Variants in AIM2 observed in about 807,000 individuals in gnomAD.
AIM2 encodes absent in melanoma 2.
A neutral mutation model predicts 27.7 loss-of-function variants in AIM2; 30 were observed. The ratio of observed to expected loss-of-function variants is 1.08; its 90% CI spans 0.81 to 1.47. AIM2 has a LOEUF of 1.47. Among genes scored for constraint, AIM2 ranks in the 40% most tolerant of loss-of-function variants. AIM2 has a pLI of 0.00. For synonymous variants in AIM2, 141 were observed against 145.3 expected (o/e 0.97, Z 0.21); for missense variants, 358 against 411.3 (o/e 0.87, Z 1.12).
chr1:159,107,129 A>G (rs1657466941), intron 1 of AIM2, among the ~76,000 whole-genome samples: 1 of 152,212 alleles, frequency 6.6e-6, no homozygotes, highest in Non-Finnish European at 1.5e-5. Flanking sequence ...CCTTTGGGAA[A>G]CAAAAATGCA....
chr1:159,103,570 T>C lies in AIM2; in HGVS notation c.-16+36861A>G, dbSNP rs148381749. On this transcript the variant is annotated intron_variant, in intron 1 of 2. Coordinates refer to the AIM2 transcript ENST00000368129. ...AAGGGGAGGTGGAGGAAGATTTTCA[T>C]AGTCCTCAACCCATTGCTTTTGGAT... Among the ~76,000 whole-genome samples, 322 of 152,338 alleles carry C rather than the reference T, an allele frequency of 2.1e-3. 1 individual carries two copies. Among genetic ancestry groups the C allele is most frequent in the Non-Finnish European group, 1.8e-3 (123 of 68,032 alleles).
intron 1 of AIM2, among the ~76,000 whole-genome samples, chr1:159,130,352 A>G (rs1227634435): frequency 7.9e-5 from 12 of 152,142 alleles, no homozygotes; most frequent in Admixed American, 7.9e-4. Flanking sequence ...ATTTCTCTTC[A>G]CAGTTCCAGG....
At chr1:159,125,156 C>T (rs953112470) in intron 1 of AIM2, among the ~76,000 whole-genome samples, 1 of 152,104 alleles carries the variant, frequency 6.6e-6, no homozygotes, top group Non-Finnish European at 1.5e-5. Context: ...CAGCATATCC[C>T]GGGAAAGCCT....
intron 1 of AIM2, among the ~76,000 whole-genome samples, chr1:159,114,643 G>A (rs1647282789): frequency 6.6e-6 from 1 of 152,180 alleles, no homozygotes; most frequent in Non-Finnish European, 1.5e-5. Context: ...CCGGGAGGTG[G>A]ATATTTCACT....
In AIM2 at chr1:159,065,962, A is replaced by T; in HGVS notation, c.764T>A (p.Leu255His). 1 of 1,614,124 alleles carries T rather than the reference A, an allele frequency of 6.2e-7. No individual in the cohort carries two copies. The highest frequency in any genetic ancestry group is 8.5e-7 in the Non-Finnish European group (1 of 1,180,010). ...AATTGTTCCAAGGGGCTGAGTTTGA[A>T]GCGTGTTGATCTTCGGGGTTTCACC... ...KAGETPKINT[L>H]QTQPLGTIVN... Residue 255 changes from leucine to histidine, a missense_variant, in exon 4 of 6, where the codon CTT becomes CAT. Physicochemically the swap from Leu to His is moderately conservative, Grantham distance 99. Transcript: ENST00000368130.
At chr1:159,143,191 T>G (rs965241526), upstream of AIM2, among the ~76,000 whole-genome samples, 5 of 152,204 alleles carry the variant, frequency 3.3e-5, no homozygotes, top group Admixed American at 6.5e-5. Flanking sequence ...CCCATTCATA[T>G]AGCCCTAGGA....
intron 1 of AIM2, among the ~76,000 whole-genome samples, chr1:159,130,306 C>T (rs1647835345): frequency 6.6e-6 from 1 of 152,214 alleles, no homozygotes; most frequent in South Asian, 2.1e-4. Flanking sequence ...TTACTCACAA[C>T]AGACTGATCA....
intron 2 of AIM2, among the ~76,000 whole-genome samples, chr1:159,071,893 C>G (rs989538113): frequency 6.6e-6 from 1 of 151,996 alleles, no homozygotes; most frequent in Non-Finnish European, 1.5e-5. Flanking sequence ...TCCTGAGTTT[C>G]CAAGCTAGTC....
chr1:159,110,433 T>C (rs958269467), intron 1 of AIM2, among the ~76,000 whole-genome samples: 1 of 152,208 alleles, frequency 6.6e-6, no homozygotes, highest in Non-Finnish European at 1.5e-5. Flanking sequence ...TTTTAAAAAA[T>C]TCTTTTATAT....
At chr1:159,134,788 C>T (rs998415624) in intron 1 of AIM2, among the ~76,000 whole-genome samples, 5 of 151,944 alleles carry the variant, frequency 3.3e-5, no homozygotes, top group Admixed American at 2.6e-4. Context: ...GCTGAGATCG[C>T]GACATTGCAC....
chr1:159,070,174 CAGTT>C (rs1656288948), intron 2 of AIM2, among the ~76,000 whole-genome samples: 2 of 37,574 alleles, frequency 5.3e-5, no homozygotes, highest in Non-Finnish European at 3.2e-4. Context: ...ACATTTGTCT[CAGTT>C]AGTTACCTGT....
intron 1 of AIM2, among the ~76,000 whole-genome samples, chr1:159,091,182 A>C (rs1283021285): frequency 6.6e-6 from 1 of 152,250 alleles, no homozygotes; most frequent in Non-Finnish European, 1.5e-5. Context: ...ATTACTTAAT[A>C]AAGTAACAAA....
chr1:159,127,554 A>C (rs893846188), intron 1 of AIM2, among the ~76,000 whole-genome samples: 5 of 152,260 alleles, frequency 3.3e-5, no homozygotes, highest in Non-Finnish European at 7.3e-5. Flanking sequence ...GGAAGCAAGA[A>C]AGAATACCTT....
In AIM2 at chr1:159,065,897, T is replaced by C; in HGVS notation, c.816+13A>G. The C allele has an allele frequency of 6.4e-7, 1 of 1,573,222 alleles. No homozygotes were observed. Among genetic ancestry groups the C allele is most frequent in the Non-Finnish European group, 8.6e-7 (1 of 1,162,982 alleles). On this transcript the variant is annotated intron_variant, in intron 4 of 5. Transcript: ENST00000368130. ...TCTTACTAATCAATATGAAATTAGA[T>C]ATGAAAACTTACCTTCTGGACTACA...
At chr1:159,102,306 T>A (rs1022215680) in intron 1 of AIM2, among the ~76,000 whole-genome samples, 9 of 152,138 alleles carry the variant, frequency 5.9e-5, no homozygotes, top group African/African-American at 2.2e-4. Flanking sequence ...TTTCAGAGGA[T>A]GTATGGAAAT....
At chr1:159,095,444 GAAGT>G (rs1038528726) in intron 1 of AIM2, among the ~76,000 whole-genome samples, 1 of 152,176 alleles carries the variant, frequency 6.6e-6, no homozygotes, top group African/African-American at 2.4e-5. Flanking sequence ...AGAGAAAGGT[GAAGT>G]AAGAGCATTG....
upstream of AIM2, among the ~76,000 whole-genome samples, chr1:159,080,540 A>T (rs926852848): frequency 6.6e-6 from 1 of 152,196 alleles, no homozygotes; most frequent in Non-Finnish European, 1.5e-5. Flanking sequence ...TGCTAATTTT[A>T]AAAAATGTAT....
At chr1:159,115,288 C>T (rs1327705226) in intron 1 of AIM2, among the ~76,000 whole-genome samples, 2 of 152,142 alleles carry the variant, frequency 1.3e-5, no homozygotes, top group African/African-American at 4.8e-5. Context: ...AATGCCATCC[C>T]CATCAAGCTA....
At chr1:159,084,941 TAC>T (rs974492111) in intron 1 of AIM2, among the ~76,000 whole-genome samples, 1 of 151,996 alleles carries the variant, frequency 6.6e-6, no homozygotes, top group African/African-American at 2.4e-5. Flanking sequence ...TCCACCCACA[TAC>T]ACACACACCA....
Sources: allele counts gnomAD v4.1 joint callset (sites outside exome capture counted in the v4.1 genomes callset), GRCh38; gene constraint gnomAD v4.1.1; transcripts MANE v1.5; gene names NCBI Gene and HGNC (gene_info 2026-07-23, HGNC 2026-07-21).